The following ACOX3 variants were observed in gnomAD, a reference collection of about 807,000 sequenced individuals.
ACOX3 encodes the protein acyl-CoA oxidase 3, pristanoyl, also known as peroxisomal acyl-coenzyme A oxidase 3.
In ACOX3, 73 loss-of-function variants were observed where a neutral mutation model predicts 81.5. The observed-to-expected ratio is 0.90, with a 90% CI of 0.74 to 1.09. ACOX3 has a LOEUF of 1.09. ACOX3 is among the 50% of genes least tolerant of loss of function. The pLI is 0.00. For synonymous variants in ACOX3, 387 were observed against 375.1 expected (o/e 1.03, Z -0.37); for missense variants, 947 against 928.0 (o/e 1.02, Z -0.27).
chr4:8,402,406 G>A (rs1171727249), intron 7 of ACOX3, among the ~76,000 whole-genome samples: 3 of 152,222 alleles, frequency 2.0e-5, no homozygotes, highest in African/African-American at 4.8e-5. Context: ...CCCACCTCGT[G>A]AGAAAAACCT....
chr4:8,357,560 A>T, the ACOX3 span: 71 of 289,946 alleles, frequency 2.4e-4, no homozygotes, highest in Non-Finnish European at 4.2e-4. Flanking sequence ...GCAAGCAATG[A>T]CATTAAACTG....
At chr4:8,420,585 AT>A (rs1414621298) in intron 1 of ACOX3, among the ~76,000 whole-genome samples, 1 of 152,204 alleles carries the variant, frequency 6.6e-6, no homozygotes, top group Non-Finnish European at 1.5e-5. Flanking sequence ...GGGAGGCACA[AT>A]GATCAGGATA....
chr4:8,362,980 T>C (rs1430761810), downstream of ACOX3, among the ~76,000 whole-genome samples: 1 of 152,202 alleles, frequency 6.6e-6, no homozygotes, highest in Non-Finnish European at 1.5e-5. Flanking sequence ...AAATGGAAAA[T>C]GGGAAACTAG....
chr4:8,436,112 T>C (rs565355853), intron 1 of ACOX3: 1 of 152,350 alleles, frequency 6.6e-6, no homozygotes, highest in African/African-American at 2.4e-5. Context: ...CAGCCCTTTT[T>C]AACCATTGAT....
Position 8,406,125 on chromosome 4 carries a change from G to C in ACOX3, c.688-82C>G. The C allele has an allele frequency of 7.1e-7, 1 of 1,408,366 alleles. No homozygotes were observed. Among genetic ancestry groups the C allele is most frequent in the Non-Finnish European group, 1.0e-6 (1 of 997,752 alleles). The allele number at this position is 1,408,366 out of a possible 1,614,324, so 87.2% of individuals were successfully genotyped here. A position where few individuals can be genotyped will look rare whatever the true frequency, so the allele number is the denominator to read the frequency against. On this transcript the variant is annotated intron_variant, in intron 6 of 17. Transcript: ENST00000356406. The surrounding 1 kb of genome is among the most constrained non-coding windows in gnomAD (Gnocchi z 5.6). ...AAACAAATGTGTTCAGAAACCCACA[G>C]GGTGGGCCATGGGCTCAACGCTGGG... is the stretch of plus-strand genomic sequence containing the variant.
chr4:8,421,816 G>T (rs1048574062), intron 1 of ACOX3, among the ~76,000 whole-genome samples: 1 of 152,098 alleles, frequency 6.6e-6, no homozygotes, highest in Non-Finnish European at 1.5e-5. Context: ...CCTTGCCAGG[G>T]CCCCAAGTTT....
rs759383469 is a variant in ACOX3, at chr4:8,431,223, A to G, written c.-15+9425T>C. On this transcript the variant is annotated intron_variant, in intron 1 of 17. Transcript: ENST00000356406. This position sits in a 1 kb window ranked among gnomAD's most constrained non-coding sequence, Gnocchi z 5.3. ...CCTCTTTTCACACTTGTCTTCCTCTACCCTCTGGCTTGTCAGGGCTGGCCT... is the reference window on the plus strand; with the variant it reads ...CCTCTTTTCACACTTGTCTTCCTCTGCCCTCTGGCTTGTCAGGGCTGGCCT... 5.9e-5 allele frequency among the ~76,000 whole-genome samples: 9 copies of G among 151,704 alleles called. No individual in the cohort carries two copies. The highest frequency in any genetic ancestry group is 1.2e-4 in the African/African-American group (5 of 41,242).
chr4:8,415,224 G>A (rs912630574), intron 3 of ACOX3, among the ~76,000 whole-genome samples: 6 of 152,196 alleles, frequency 3.9e-5, no homozygotes, highest in African/African-American at 1.4e-4. Context: ...TGGGAATTAA[G>A]ATGCCTGCAA....
rs1578875927 is a variant in ACOX3, at chr4:8,381,436, G to A, written c.1653+56C>T. ...ATGTTCAAACTCCCAGGGACACAACGGCCAGGGAATTAAGAGCAAATAATA... is the reference window on the plus strand; with the variant it reads ...ATGTTCAAACTCCCAGGGACACAACAGCCAGGGAATTAAGAGCAAATAATA... On this transcript the variant is annotated intron_variant, in intron 14 of 17. Transcript: ENST00000356406. This position sits in a 1 kb window ranked among gnomAD's most constrained non-coding sequence, Gnocchi z 4.3. 14 of 1,507,512 alleles carry A rather than the reference G, an allele frequency of 9.3e-6. No individual in the cohort carries two copies. The highest frequency in any genetic ancestry group is 2.3e-5 in the South Asian group (2 of 86,684). 93.4% of individuals were successfully genotyped at this position (1,507,512 alleles called of 1,614,324 possible).
intron 14 of ACOX3, among the ~76,000 whole-genome samples, 159 bp from the exon 15 acceptor site, chr4:8,375,311 A>G (rs1019355805): frequency 6.6e-6 from 1 of 152,246 alleles, no homozygotes; most frequent in Non-Finnish European, 1.5e-5. Context: ...GCGGCGCAGC[A>G]CGAGACATGT....
the ACOX3 span, chr4:8,356,093 AGAG>A: frequency 2.3e-5 from 5 of 214,934 alleles, no homozygotes; most frequent in Admixed American, 2.6e-4. Flanking sequence ...CATGCTGGGA[AGAG>A]GAGACTTACC....
At chr4:8,393,399 G>T (rs925110768) in intron 10 of ACOX3, among the ~76,000 whole-genome samples, 1 of 130,394 alleles carries the variant, frequency 7.7e-6, no homozygotes, top group African/African-American at 3.3e-5. Context: ...TGAGGCAAGA[G>T]AATTGCTTGA....
rs902758298 is a variant in ACOX3 at position 8,389,106 on chromosome 4, G to A, written c.1537+67C>T. On this transcript the variant is annotated intron_variant, in intron 13 of 17. Transcript: ENST00000356406. This position sits in a 1 kb window ranked among gnomAD's most constrained non-coding sequence, Gnocchi z 5.3. ...GCCAAGGGTCCCCTCACCGAGGCAC[G>A]GTGCGTTTCCTGGTGGGAATGACAG... 11 of 1,368,852 alleles carry A rather than the reference G, an allele frequency of 8.0e-6. No individual in the cohort carries two copies. In the South Asian group the frequency reaches 8.4e-5, roughly 10 times the overall value. 84.8% of individuals were successfully genotyped at this position (1,368,852 alleles called of 1,614,324 possible).
chr4:8,366,843 AG>A lies in ACOX3; in HGVS notation c.*117del. 7.0e-7 allele frequency: 1 copy of A among 1,428,338 alleles called. No homozygotes were observed. Among genetic ancestry groups the A allele is most frequent in the South Asian group, 1.3e-5 (1 of 76,428 alleles). The allele number at this position is 1,428,338 out of a possible 1,614,324, so 88.5% of individuals were successfully genotyped here. A position where few individuals can be genotyped will look rare whatever the true frequency, so the allele number is the denominator to read the frequency against. On this transcript the variant is annotated 3_prime_UTR_variant, in exon 18 of 18. Transcript: ENST00000356406. ...AGGCCAATCAGCAGTTTAGGCGCAC[AG>A]GTGCGGGCTCAGAAAGCAGCAGCAA...
In ACOX3 at chr4:8,407,199, T is replaced by C. The variant is rs980316580; in HGVS notation, c.688-1156A>G. Among the ~76,000 whole-genome samples the C allele has an allele frequency of 1.5e-4, 23 of 152,216 alleles. No homozygotes were observed. Among genetic ancestry groups the C allele is most frequent in the African/African-American group, 5.3e-4 (22 of 41,450 alleles). On this transcript the variant is annotated intron_variant, in intron 6 of 17. Coordinates refer to ENST00000356406, the MANE Select transcript of ACOX3 (RefSeq NM_003501.3). The surrounding 1 kb of genome is among the most constrained non-coding windows in gnomAD (Gnocchi z 4.6). The stretch of plus-strand genomic sequence containing the variant: ...CAGCTCCTATCTCTGTATGGCCTGG[T>C]TTTTCCTAGGTTATGATTATAGAGC...
chr4:8,374,104 T>C, intron 15 of ACOX3: 1 of 192,010 alleles, frequency 5.2e-6, no homozygotes, highest in Middle Eastern at 2.1e-3. Context: ...GACTTGGTCC[T>C]TGGTGTCACC....
At position 8,382,890 on chromosome 4, in the gene ACOX3, G is replaced by A. The variant is rs1196444380; in HGVS notation, c.1538-1283C>T. On this transcript the variant is annotated intron_variant, in intron 13 of 17. Coordinates refer to ENST00000356406, the MANE Select transcript of ACOX3 (RefSeq NM_003501.3). This position sits in a 1 kb window ranked among gnomAD's most constrained non-coding sequence, Gnocchi z 4.1. ...GCCTGTAGTCCCAGCTACTCGGGAGGCTGAGGCAGGAGAATGGCGTGAACC... is the reference window on the plus strand; with the variant it reads ...GCCTGTAGTCCCAGCTACTCGGGAGACTGAGGCAGGAGAATGGCGTGAACC... Among the ~76,000 whole-genome samples, 3 of 151,888 alleles carry A rather than the reference G, an allele frequency of 2.0e-5. No individual in the cohort carries two copies. The South Asian group carries it at 6.2e-4, about 32-fold the overall frequency.
In ACOX3 at chr4:8,389,147, G is replaced by A; in HGVS notation, c.1537+26C>T. Reference sequence around the variant, plus strand: ...GGAATGACAGGAAATCAGGAGGCCAGGGGAGCCCTCCACCTGTGTGTTTAC... The same window carrying A: ...GGAATGACAGGAAATCAGGAGGCCAAGGGAGCCCTCCACCTGTGTGTTTAC... On this transcript the variant is annotated intron_variant, in intron 13 of 17. Coordinates refer to ENST00000356406, the MANE Select transcript of ACOX3 (RefSeq NM_003501.3). This position sits in a 1 kb window ranked among gnomAD's most constrained non-coding sequence, Gnocchi z 5.3. 6.3e-7 allele frequency: 1 copy of A among 1,583,124 alleles called. No individual in the cohort carries two copies. The highest frequency in any genetic ancestry group is 8.7e-7 in the Non-Finnish European group (1 of 1,153,176).
At chr4:8,359,421 G>A in the ACOX3 span, among the ~76,000 whole-genome samples, 1 of 152,002 alleles carries the variant, frequency 6.6e-6, no homozygotes, top group Non-Finnish European at 1.5e-5. The surrounding 1 kb of genome is among the most constrained non-coding windows in gnomAD (Gnocchi z 6.0). Context: ...AACTCAGGAG[G>A]GTTAGAGTCC....
Sources: gnomAD v4.1 joint callset for allele counts (sites outside exome capture counted in the v4.1 genomes callset) on GRCh38, gnomAD v4.1.1 for gene constraint, Gnocchi (gnomAD v3.1) non-coding constraint, MANE v1.5 for transcripts, NCBI Gene and HGNC (gene_info 2026-07-23, HGNC 2026-07-21) for gene names.